Variants in PHF24 observed in about 807,000 individuals in gnomAD.
The protein encoded by PHF24 is Galpha inhibitory interacting protein.
PHF24 carries 25 observed loss-of-function variants against 42.6 expected under a neutral mutation model. The ratio of observed to expected loss-of-function variants is 0.59; its 90% CI spans 0.43 to 0.82. The LOEUF (loss-of-function observed/expected upper bound fraction) is 0.82, where lower values mean the gene tolerates loss of function less well. Ranked by LOEUF, PHF24 falls within the 40% of genes least tolerant of loss-of-function variation. The pLI is 0.00. For missense variants in PHF24, 470 were observed against 538.1 expected (o/e 0.87, Z 1.25); for synonymous variants, 185 against 204.8 (o/e 0.90, Z 0.83).
the PHF24 span, among the ~76,000 whole-genome samples, chr9:34,790,836 AC>A: frequency 6.6e-6 from 1 of 152,238 alleles, no homozygotes; most frequent in African/African-American, 2.4e-5. Flanking sequence ...CAATGCCAGT[AC>A]CTTGGGCGAA....
At chr9:34,796,599 G>T in the PHF24 span, among the ~76,000 whole-genome samples, 1 of 152,154 alleles carries the variant, frequency 6.6e-6, no homozygotes, top group African/African-American at 2.4e-5. Context: ...TGGCAAATAA[G>T]AACAAGATGT....
At chr9:34,727,019 T>C in the PHF24 span, 49,916 of 1,533,956 alleles carry the variant, frequency 0.033, 3,328 homozygotes, top group African/African-American at 0.28. Flanking sequence ...AAATTAACGA[T>C]GGAGTGACAT....
chr9:34,708,677 G>A, the PHF24 span, among the ~76,000 whole-genome samples: 1 of 152,214 alleles, frequency 6.6e-6, no homozygotes. Context: ...CTGGGGAAAG[G>A]TCTGAAGGTC....
the PHF24 span, among the ~76,000 whole-genome samples, chr9:34,824,535 G>C: frequency 6.7e-6 from 1 of 148,384 alleles, no homozygotes; most frequent in East Asian, 1.9e-4. Flanking sequence ...ATTAAAGTAG[G>C]GTTTGGAACT....
At chr9:34,720,946 G>A in the PHF24 span, among the ~76,000 whole-genome samples, 6 of 152,152 alleles carry the variant, frequency 3.9e-5, no homozygotes, top group South Asian at 2.1e-4. Context: ...CAGCTTTCCC[G>A]CTTTGGTTCT....
the PHF24 span, among the ~76,000 whole-genome samples, chr9:34,892,164 G>A: frequency 6.6e-6 from 1 of 152,290 alleles, no homozygotes; most frequent in East Asian, 1.9e-4. Context: ...CTAGGCAGTG[G>A]ACAGAGGCCA....
At chr9:34,794,880 AAGAG>A in the PHF24 span, among the ~76,000 whole-genome samples, 1 of 151,838 alleles carries the variant, frequency 6.6e-6, no homozygotes, top group Non-Finnish European at 1.5e-5. Context: ...ACATGAGGAG[AAGAG>A]AGAGAGAGAT....
At chr9:34,811,058 A>G in the PHF24 span, among the ~76,000 whole-genome samples, 1 of 152,246 alleles carries the variant, frequency 6.6e-6, no homozygotes, top group East Asian at 1.9e-4. Context: ...TGTGCTAGGC[A>G]CTATACTAGG....
rs187055010 is a variant in PHF24, at chr9:34,962,276, T to C, written c.-5+3875T>C. Among the ~76,000 whole-genome samples the C allele has an allele frequency of 3.1e-3, 467 of 152,342 alleles. 2 individuals carry two copies. The highest frequency in any genetic ancestry group is 3.2e-3 in the Non-Finnish European group (215 of 68,038). On this transcript the variant is annotated intron_variant, in intron 1 of 7. Transcript: ENST00000242315. The stretch of plus-strand genomic sequence containing the variant: ...GCCTATTTCTATCTAGCCCCCAGGC[T>C]GGCTTCATACCATCTAAGTCATGAT...
At chr9:34,810,742 G>A in the PHF24 span, among the ~76,000 whole-genome samples, 3 of 152,202 alleles carry the variant, frequency 2.0e-5, no homozygotes, top group African/African-American at 7.2e-5. Context: ...TGGCCCAGAG[G>A]TGGAGGCCTT....
At chr9:34,873,587 A>G in the PHF24 span, among the ~76,000 whole-genome samples, 2 of 151,988 alleles carry the variant, frequency 1.3e-5, no homozygotes, top group Non-Finnish European at 2.9e-5. Context: ...TAACAGTACC[A>G]TGCTGTTTTG....
rs1005899599 is a variant in PHF24, at chr9:34,971,467, G to T, written c.169G>T (p.Glu57Ter). Residue 57 changes from glutamate (E) to a stop codon, truncating the protein, a stop_gained, in exon 2 of 8, where the codon GAG becomes TAG. Coordinates refer to ENST00000242315, the Ensembl canonical transcript of PHF24. LOFTEE classifies it high-confidence loss of function. ...AGAGGGCTCCGTCCAGGAGGTACAG[G>T]AGGAGAAGGAAGCAGAAGCAGGAAC... is the stretch of plus-strand genomic sequence containing the variant. The T allele has an allele frequency of 3.7e-6, 6 of 1,614,198 alleles. No individual in the cohort carries two copies. The highest frequency in any genetic ancestry group is 5.1e-6 in the Non-Finnish European group (6 of 1,180,038).
chr9:34,871,283 A>G, the PHF24 span, among the ~76,000 whole-genome samples: 1 of 152,142 alleles, frequency 6.6e-6, no homozygotes, highest in East Asian at 1.9e-4. Context: ...TTTTAAATTC[A>G]GTTCTTATTT....
At chr9:34,697,605 C>G in the PHF24 span, among the ~76,000 whole-genome samples, 1 of 152,226 alleles carries the variant, frequency 6.6e-6, no homozygotes, top group South Asian at 2.1e-4. Context: ...CAGGCCTGAG[C>G]CACCGCACCC....
chr9:34,887,097 A>G, the PHF24 span, among the ~76,000 whole-genome samples: 1 of 152,162 alleles, frequency 6.6e-6, no homozygotes, highest in Non-Finnish European at 1.5e-5. Context: ...GTTCAGGGCA[A>G]AAACTTTGGT....
chr9:34,900,334 C>G, the PHF24 span, among the ~76,000 whole-genome samples: 512 of 152,336 alleles, frequency 3.4e-3, 1 homozygote, highest in South Asian at 0.018. Context: ...CACAGTGGCT[C>G]ATGCCTGTAA....
the PHF24 span, among the ~76,000 whole-genome samples, chr9:34,780,298 C>CTTTTT: frequency 1.6e-5 from 1 of 63,896 alleles, no homozygotes; most frequent in Non-Finnish European, 3.3e-5. Context: ...TTCTTTTTTT[C>CTTTTT]TTTTTTTTTT....
At chr9:34,666,045 C>G in the PHF24 span, 2 of 308,356 alleles carry the variant, frequency 6.5e-6, no homozygotes, top group South Asian at 7.2e-5. Context: ...ACCCCGGAAA[C>G]GGACCGTTAC....
chr9:34,735,133 CTTTTTTTT>C, the PHF24 span, among the ~76,000 whole-genome samples: 4 of 112,484 alleles, frequency 3.6e-5, no homozygotes, highest in African/African-American at 6.4e-5. Context: ...TTTCTTTTTT[CTTTTTTTT>C]TTTTTTTTTT....
Sources: allele counts gnomAD v4.1 joint callset (sites outside exome capture counted in the v4.1 genomes callset), GRCh38; gene constraint gnomAD v4.1.1; transcripts MANE v1.5; gene names NCBI Gene and HGNC (gene_info 2026-07-23, HGNC 2026-07-21).